Variants in PRTN3 observed in about 807,000 individuals in gnomAD.
PRTN3 encodes proteinase 3.
A neutral mutation model predicts 20.7 loss-of-function variants in PRTN3; 22 were observed. That is an observed-to-expected ratio of 1.06 (90% CI 0.76 to 1.52). PRTN3 has a LOEUF of 1.52. Among genes scored for constraint, PRTN3 ranks in the 40% most tolerant of loss-of-function variants. The pLI is 0.00. For missense variants in PRTN3, 378 were observed against 359.6 expected, an observed-to-expected ratio of 1.05 and a Z score of -0.41; for synonymous variants, 173 against 152.9, an observed-to-expected ratio of 1.13 and a Z score of -0.97.
At chr19:844,684 G>A (rs1423994649) in intron 3 of PRTN3, among the ~76,000 whole-genome samples, 2 of 150,938 alleles carry the variant, frequency 1.3e-5, no homozygotes, top group Non-Finnish European at 1.5e-5. Context: ...TCTCATTCAT[G>A]GGGCCCTCCT....
intron 3 of PRTN3, among the ~76,000 whole-genome samples, chr19:844,520 C>CCCTCTCCCCCGCCCGCG (rs2035493026): frequency 8.1e-6 from 1 of 122,996 alleles, no homozygotes. Flanking sequence ...CCCTGCCTGC[C>CCCTCTCCCCCGCCCGCG]CCTCTCCCCT....
intron 1 of PRTN3, among the ~76,000 whole-genome samples, chr19:841,918 G>T (rs2035446878): frequency 6.6e-6 from 1 of 151,704 alleles, no homozygotes; most frequent in East Asian, 1.9e-4. Context: ...TTGTAGAGAC[G>T]GGGTTTCAAG....
rs371774896 is a variant in PRTN3, at chr19:847,855, C to A, written c.657C>A (p.Phe219Leu). 1.2e-6 allele frequency: 2 copies of A among 1,608,730 alleles called. No homozygotes were observed. Among genetic ancestry groups the A allele is most frequent in the Non-Finnish European group, 1.7e-6 (2 of 1,177,310 alleles). ...CDGIIQGIDS[F>L]VIWGCATRLF... ...GCATCATCCAAGGAATAGACTCCTT[C>A]GTGATCTGGGGATGTGCCACCCGCC... Residue 219 changes from phenylalanine (F) to leucine (L), a missense_variant, in exon 5 of 5, where the codon TTC becomes TTA. Coordinates refer to ENST00000234347, the MANE Select transcript of PRTN3 (RefSeq NM_002777.4).
At chr19:844,351 C>G (rs1389951833) in intron 3 of PRTN3, among the ~76,000 whole-genome samples, 1 of 106,998 alleles carries the variant, frequency 9.3e-6, no homozygotes, top group African/African-American at 3.9e-5. Context: ...CTCTCCCCTG[C>G]CCGCGCCTCT....
rs1182767627 is a variant in PRTN3, at chr19:843,884, C to T, written c.228-9C>T. On this transcript the variant is annotated splice_polypyrimidine_tract_variant and intron_variant, in intron 2 of 4. Transcript: ENST00000234347. ...AGGGCGCCGAGGAGTGACCACCCCA[C>T]CCCCGCAGACCCCAGCGCCTGGTGA... is the stretch of plus-strand genomic sequence containing the variant. The T allele has an allele frequency of 1.3e-6, 2 of 1,580,314 alleles. No homozygotes were observed. The highest frequency in any genetic ancestry group is 3.7e-5 in the Admixed American group (2 of 54,020).
intron 2 of PRTN3, 117 bp from the exon 3 acceptor site, chr19:843,776 C>T: frequency 6.9e-7 from 1 of 1,453,554 alleles, no homozygotes; most frequent in Non-Finnish European, 9.0e-7. Context: ...TGGGGGGAGG[C>T]CCGGGGCAGG....
At chr19:844,328 C>CCCCCGCCCGCG (rs2035488950) in intron 3 of PRTN3, among the ~76,000 whole-genome samples, 2 of 116,704 alleles carry the variant, frequency 1.7e-5, no homozygotes, top group African/African-American at 3.5e-5. Flanking sequence ...CCGCGCCTCT[C>CCCCCGCCCGCG]CCTTGCCCGC....
intron 3 of PRTN3, among the ~76,000 whole-genome samples, chr19:845,387 C>T (rs1015467653): frequency 6.6e-6 from 1 of 151,794 alleles, no homozygotes; most frequent in African/African-American, 2.4e-5. Context: ...CCAGCCTCGG[C>T]GACAGAGCAA....
intron 3 of PRTN3, 112 bp from the exon 4 acceptor site, chr19:846,035 G>A (rs1049540318): frequency 1.6e-5 from 11 of 670,302 alleles, no homozygotes; most frequent in East Asian, 6.3e-5. Flanking sequence ...CGGAGGGAGC[G>A]GCATCCGCGG....
At chr19:846,623 G>A (rs2035520543) in intron 4 of PRTN3, among the ~76,000 whole-genome samples, 1 of 152,230 alleles carries the variant, frequency 6.6e-6, no homozygotes, top group Non-Finnish European at 1.5e-5. Context: ...ACCACAGGAA[G>A]GTGTGGGAGA....
At chr19:844,373 C>G (rs1429860778) in intron 3 of PRTN3, among the ~76,000 whole-genome samples, 1 of 95,456 alleles carries the variant, frequency 1.0e-5, no homozygotes. Flanking sequence ...CCCTGCATGC[C>G]TCTCCCTTGC....
At chr19:844,255 C>T (rs1187597733) in intron 3 of PRTN3, among the ~76,000 whole-genome samples, 8 of 135,522 alleles carry the variant, frequency 5.9e-5, no homozygotes, top group South Asian at 5.2e-4. Flanking sequence ...CCCCCGCCCG[C>T]GCCTCTCCCC....
In PRTN3 at chr19:841,039, G is replaced by A. The variant is rs779318537; in HGVS notation, c.31G>A (p.Ala11Thr). 2.7e-5 allele frequency: 43 copies of A among 1,608,280 alleles called. No individual in the cohort carries two copies. The highest frequency in any genetic ancestry group is 3.5e-5 in the Non-Finnish European group (41 of 1,179,886). ...TCACCGGCCCCCCAGCCCTGCCCTGGCGTCCGTGCTGCTGGCCTTGCTGCT... is the reference window on the plus strand; with the variant it reads ...TCACCGGCCCCCCAGCCCTGCCCTGACGTCCGTGCTGCTGGCCTTGCTGCT... MAHRPPSPAL[A>T]SVLLALLLSG... The change falls in exon 1 of 5, where the codon GCG (alanine) becomes ACG (threonine). Residue 11 changes from alanine (A) to threonine (T), a missense_variant. By Grantham distance (58) the Ala-to-Thr change is moderately conservative. Transcript: ENST00000234347.
At chr19:841,614 G>C (rs2035441192) in intron 1 of PRTN3, among the ~76,000 whole-genome samples, 1 of 58,072 alleles carries the variant, frequency 1.7e-5, no homozygotes, top group Non-Finnish European at 3.8e-5. Context: ...ATGAGTGAAT[G>C]AATGAATGAG....
At chr19:846,649 C>T (rs548429787) in intron 4 of PRTN3, among the ~76,000 whole-genome samples, 12 of 152,334 alleles carry the variant, frequency 7.9e-5, no homozygotes, top group South Asian at 2.1e-4. Context: ...CCGCCCTCAC[C>T]GGCGGCCCCT....
intron 3 of PRTN3, among the ~76,000 whole-genome samples, chr19:844,421 C>A (rs1193661518): frequency 1.6e-5 from 1 of 63,262 alleles, no homozygotes; most frequent in South Asian, 5.9e-4. Context: ...CCCCTGCGCG[C>A]CTCTCCCCTG....
chr19:841,597 C>A (rs182629725), intron 1 of PRTN3, among the ~76,000 whole-genome samples: 2 of 57,132 alleles, frequency 3.5e-5, no homozygotes, highest in South Asian at 5.3e-4. Context: ...AATGAGTGAA[C>A]GAATGAATGA....
At chr19:845,408 CA>C (rs898568773) in intron 3 of PRTN3, among the ~76,000 whole-genome samples, 4 of 149,050 alleles carry the variant, frequency 2.7e-5, no homozygotes, top group South Asian at 2.2e-4. Context: ...GACCCCATCT[CA>C]AAAAAAAAGT....
chr19:845,412 A>G (rs1425221280), intron 3 of PRTN3, among the ~76,000 whole-genome samples: 1 of 151,956 alleles, frequency 6.6e-6, no homozygotes, highest in Non-Finnish European at 1.5e-5. Flanking sequence ...CCATCTCAAA[A>G]AAAAAGTGCT....
Sources: allele counts gnomAD v4.1 joint callset (sites outside exome capture counted in the v4.1 genomes callset), GRCh38; gene constraint gnomAD v4.1.1; transcripts MANE v1.5; gene names NCBI Gene and HGNC (gene_info 2026-07-23, HGNC 2026-07-21).